NF1: variants seen among roughly 807,000 people sequenced by gnomAD.
NF1 encodes the protein neurofibromin 1, also known as neurofibromin.
NF1 carries 122 observed loss-of-function variants against 325.7 expected under a neutral mutation model. The observed-to-expected ratio is 0.37, with a 90% CI of 0.32 to 0.44. The LOEUF (loss-of-function observed/expected upper bound fraction) is 0.44, where lower values mean the gene tolerates loss of function less well. Ranked by LOEUF, NF1 falls within the 20% of genes least tolerant of loss-of-function variation. The pLI, the probability that NF1 is intolerant of heterozygous loss-of-function variation, is 1.00. For missense variants in NF1, 2,140 were observed against 3,415.4 expected, an observed-to-expected ratio of 0.63 and a Z score of 9.31; for synonymous variants, 1,091 against 1,186.0, an observed-to-expected ratio of 0.92 and a Z score of 1.65.
intron 8 of NF1, among the ~76,000 whole-genome samples, chr17:31,195,387 T>A (rs536613675): frequency 6.6e-6 from 1 of 152,270 alleles, no homozygotes; most frequent in East Asian, 1.9e-4. Context: ...TTGTATGCGG[T>A]AAAATGCACG....
At chr17:31,295,042 T>C in intron 36 of NF1, 1 of 1,614,128 alleles carries the variant, frequency 6.2e-7, no homozygotes, top group Non-Finnish European at 8.5e-7. Flanking sequence ...CATTGAGCAA[T>C]AAGAGAAATG....
intron 1 of NF1, among the ~76,000 whole-genome samples, chr17:31,117,566 G>A (rs1280490203): frequency 2.0e-5 from 3 of 149,190 alleles, no homozygotes; most frequent in East Asian, 2.0e-4. Context: ...CTAGCTACTC[G>A]GGAGGCTGAG....
chr17:31,095,593 C>CG (rs1203358044), intron 1 of NF1: 5 of 557,864 alleles, frequency 9.0e-6, no homozygotes, highest in Middle Eastern at 4.7e-4. Flanking sequence ...CCTCCTAAGT[C>CG]GGGGGGTGGG....
chr17:31,172,760 A>G (rs758450916), intron 5 of NF1, among the ~76,000 whole-genome samples: 1 of 152,090 alleles, frequency 6.6e-6, no homozygotes, highest in Non-Finnish European at 1.5e-5. Flanking sequence ...GCTTTATTTT[A>G]GTGGCCCTGG....
chr17:31,142,907 A>G (rs1410596416), intron 1 of NF1, among the ~76,000 whole-genome samples: 1 of 151,792 alleles, frequency 6.6e-6, no homozygotes, highest in African/African-American at 2.4e-5. Flanking sequence ...TCATATTTTT[A>G]TGTTATTTAC....
At chr17:31,146,681 T>G (rs1916610825) in intron 1 of NF1, among the ~76,000 whole-genome samples, 1 of 152,246 alleles carries the variant, frequency 6.6e-6, no homozygotes, top group African/African-American at 2.4e-5. Flanking sequence ...TGAGGAGCAC[T>G]GGGCAAATGC....
At chr17:31,203,715 ATTCTTGG>A (rs1193870674) in intron 11 of NF1, among the ~76,000 whole-genome samples, 1 of 152,018 alleles carries the variant, frequency 6.6e-6, no homozygotes, top group African/African-American at 2.4e-5. Flanking sequence ...TTTTCTAATG[ATTCTTGG>A]TTCAATGTAC....
At chr17:31,192,823 C>T (rs558162989) in intron 8 of NF1, among the ~76,000 whole-genome samples, 7 of 152,202 alleles carry the variant, frequency 4.6e-5, no homozygotes, top group South Asian at 2.1e-4. Flanking sequence ...CGATATATAG[C>T]GTCAAATAAA....
chr17:31,228,516 G>A (rs182256373), intron 20 of NF1, among the ~76,000 whole-genome samples: 2 of 152,158 alleles, frequency 1.3e-5, no homozygotes, highest in African/African-American at 4.8e-5. Context: ...TATTCACAGA[G>A]TTGTGCAACC....
rs2151601322 is a variant in NF1, at chr17:31,374,043, C to T, written c.8408C>T (p.Pro2803Leu). 1 of 1,614,104 alleles carries T rather than the reference C, an allele frequency of 6.2e-7. No individual in the cohort carries two copies. Residue 2803 changes from proline to leucine, a missense_variant, in exon 58 of 58, where the codon CCT (proline) becomes CTT (leucine). Pro to Leu is a moderately conservative substitution (Grantham distance 98). Transcript: ENST00000358273. ...GACAAGGAGAACGTTGAACTCTCCCCTACCACTGGCCACTGTAACAGTGGA... is the reference window on the plus strand; with the variant it reads ...GACAAGGAGAACGTTGAACTCTCCCTTACCACTGGCCACTGTAACAGTGGA... The part of the protein sequence containing the change: ...GIDKENVELS[P>L]TTGHCNSGRT...
chr17:31,203,695 T>C (rs2066570696), intron 11 of NF1, among the ~76,000 whole-genome samples: 1 of 152,158 alleles, frequency 6.6e-6, no homozygotes, highest in Non-Finnish European at 1.5e-5. Context: ...TCATTCGTAG[T>C]GTAAATTTTT....
At chr17:31,130,082 T>TG (rs1441776947) in intron 1 of NF1, among the ~76,000 whole-genome samples, 2 of 148,712 alleles carry the variant, frequency 1.3e-5, no homozygotes, top group African/African-American at 5.0e-5. Context: ...CTGTTTTTTT[T>TG]TGTTTTTTTT....
chr17:31,250,963 G>T (rs1316940365), intron 30 of NF1: 1 of 191,634 alleles, frequency 5.2e-6, no homozygotes, highest in Non-Finnish European at 1.1e-5. Context: ...TAAGTATTGG[G>T]TAAAAGCATT....
Position 31,358,565 on chromosome 17 carries a change from CAG to C in NF1, c.8059_8060del (p.Ser2687CysfsTer5), listed in dbSNP as rs1060500387. The C allele has an allele frequency of 6.2e-7, 1 of 1,613,820 alleles. No homozygotes were observed. The highest frequency in any genetic ancestry group is 1.3e-5 in the African/African-American group (1 of 74,986). On this transcript the variant is annotated frameshift_variant, in exon 55 of 58. Transcript: ENST00000358273. LOFTEE classifies it high-confidence loss of function. ...GTTAAATCCAATCCATGGAATTGTGCAGAGTGTGGTGTACCATGAAGAATCCC... is the reference window on the plus strand; with the variant it reads ...GTTAAATCCAATCCATGGAATTGTGCAGTGTGGTGTACCATGAAGAATCCC... The part of the protein sequence containing the change: ...NLLNPIHGIV[Q>X]SVVYHEESPP...
At chr17:31,200,113 G>T (rs1462709714) in intron 8 of NF1, among the ~76,000 whole-genome samples, 1 of 150,824 alleles carries the variant, frequency 6.6e-6, no homozygotes, top group African/African-American at 2.4e-5. Context: ...TCCAGCCTGG[G>T]CAACAGAGGA....
intron 36 of NF1, among the ~76,000 whole-genome samples, chr17:31,274,359 A>G (rs970599217): frequency 2.6e-5 from 4 of 152,186 alleles, no homozygotes; most frequent in Admixed American, 6.5e-5. Context: ...TGGCCAGCAC[A>G]CTTTAAAAAT....
chr17:31,117,313 T>G (rs1485249765), intron 1 of NF1, among the ~76,000 whole-genome samples: 1 of 151,996 alleles, frequency 6.6e-6, no homozygotes, highest in Non-Finnish European at 1.5e-5. Context: ...ATATTCTTTA[T>G]TAAGTATATG....
chr17:31,142,564 T>C (rs1466531492), intron 1 of NF1, among the ~76,000 whole-genome samples: 3 of 152,120 alleles, frequency 2.0e-5, no homozygotes, highest in African/African-American at 4.8e-5. Context: ...ACTTTAAAAA[T>C]TATTAATGAG....
intron 57 of NF1, among the ~76,000 whole-genome samples, chr17:31,370,391 T>C (rs1305231460): frequency 1.3e-5 from 2 of 152,300 alleles, no homozygotes; most frequent in East Asian, 3.9e-4. Context: ...TAACCACTGT[T>C]TATTAACATT....
Sources: gnomAD v4.1 joint callset for allele counts (sites outside exome capture counted in the v4.1 genomes callset) on GRCh38, gnomAD v4.1.1 for gene constraint, MANE v1.5 for transcripts, NCBI Gene and HGNC (gene_info 2026-07-23, HGNC 2026-07-21) for gene names.